Variants in GNPAT observed in about 807,000 individuals in gnomAD.
GNPAT encodes glyceronephosphate O-acyltransferase.
A neutral mutation model predicts 78.4 loss-of-function variants in GNPAT; 30 were observed. The ratio of observed to expected loss-of-function variants is 0.38; its 90% CI spans 0.29 to 0.52. The LOEUF is 0.52. GNPAT is among the 20% of genes least tolerant of loss of function. GNPAT has a pLI of 0.84. For synonymous variants in GNPAT, 271 were observed against 281.1 expected (o/e 0.96, Z 0.36); for missense variants, 714 against 812.2 (o/e 0.88, Z 1.47).
chr1:231,261,937 C>T (rs1302070268), intron 3 of GNPAT, among the ~76,000 whole-genome samples: 2 of 151,938 alleles, frequency 1.3e-5, no homozygotes, highest in Non-Finnish European at 2.9e-5. Context: ...TGACTTATAC[C>T]CTGAATCTGT....
intron 2 of GNPAT, among the ~76,000 whole-genome samples, chr1:231,255,527 G>A (rs1685028928): frequency 2.0e-5 from 3 of 152,102 alleles, no homozygotes; most frequent in Admixed American, 6.5e-5. Flanking sequence ...GGGCTCAAGC[G>A]ATCTTCCTGC....
In GNPAT at chr1:231,267,737, C is replaced by T; in HGVS notation, c.1113C>T (p.Tyr371=). The change falls in exon 9 of 16, where the codon TAC becomes TAT. Residue 371 remains tyrosine (Y), a synonymous_variant. Coordinates refer to ENST00000366647, the MANE Select transcript of GNPAT (RefSeq NM_014236.4). The part of the protein sequence containing the change: ...DMHAFVTEVA[Y]KMELLQIENM... ...ATGCCTTTGTCACTGAAGTTGCCTA[C>T]AAAATGGAGCTTCTGCAAATTGAAA... is the stretch of plus-strand genomic sequence containing the variant. 6.2e-7 allele frequency: 1 copy of T among 1,613,094 alleles called. No individual in the cohort carries two copies. The highest frequency in any genetic ancestry group is 8.5e-7 in the Non-Finnish European group (1 of 1,179,066).
At position 231,273,936 on chromosome 1, in the gene GNPAT, C is replaced by A; in HGVS notation, c.1617C>A (p.Gly539=). The A allele has an allele frequency of 6.2e-7, 1 of 1,613,070 alleles. No individual in the cohort carries two copies. The highest frequency in any genetic ancestry group is 8.5e-7 in the Non-Finnish European group (1 of 1,179,074). ...PGNTLKDFEE[G]CYLLCKSEAI... is the part of the protein sequence containing the mutation. The stretch of plus-strand genomic sequence containing the variant: ...TTCCCTTCTAGGACTTTGAAGAAGG[C>A]TGTTACCTGCTTTGTAAAAGTGAAG... The change falls in exon 12 of 16, where the codon GGC becomes GGA. Residue 539 remains glycine, a synonymous_variant. Coordinates refer to ENST00000366647, the MANE Select transcript of GNPAT (RefSeq NM_014236.4).
chr1:231,245,495 C>T (rs536069525), intron 1 of GNPAT, among the ~76,000 whole-genome samples: 1 of 152,290 alleles, frequency 6.6e-6, no homozygotes, highest in South Asian at 2.1e-4. Context: ...GATTGATCCT[C>T]TTGCCTTGGC....
intron 11 of GNPAT, among the ~76,000 whole-genome samples, chr1:231,272,956 A>G (rs1017768238): frequency 7.9e-5 from 12 of 152,098 alleles, no homozygotes; most frequent in Admixed American, 6.5e-4. Context: ...GCCTGGTGAC[A>G]AGAGGAAGAC....
At chr1:231,247,631 T>C (rs1235468987) in intron 1 of GNPAT, among the ~76,000 whole-genome samples, 3 of 152,202 alleles carry the variant, frequency 2.0e-5, no homozygotes, top group Admixed American at 6.5e-5. Flanking sequence ...GGTACCACCA[T>C]CCACCTTGTT....
At chr1:231,250,645 T>C (rs2102801745) in intron 1 of GNPAT, among the ~76,000 whole-genome samples, 1 of 152,328 alleles carries the variant, frequency 6.6e-6, no homozygotes, top group East Asian at 1.9e-4. Flanking sequence ...GGTGAAACCA[T>C]GTGAAGTTGA....
rs776581840 is a variant in GNPAT, at chr1:231,265,798, A to C, written c.772+11A>C. On this transcript the variant is annotated intron_variant, in intron 6 of 15. Transcript: ENST00000366647. Reference sequence around the variant, plus strand: ...TGACTCCTAAATTTGGTAGGTCACTACAGATTAAAAGGAAAAATACAAACC... The same window carrying C: ...TGACTCCTAAATTTGGTAGGTCACTCCAGATTAAAAGGAAAAATACAAACC... The C allele has an allele frequency of 1.5e-5, 23 of 1,527,192 alleles. No homozygotes were observed. Among genetic ancestry groups the C allele is most frequent in the Non-Finnish European group, 1.6e-5 (18 of 1,100,704 alleles). 94.6% of individuals were successfully genotyped at this position (1,527,192 alleles called of 1,614,324 possible).
At chr1:231,242,947 AC>A (rs776089793) in intron 1 of GNPAT, among the ~76,000 whole-genome samples, 26 of 152,294 alleles carry the variant, frequency 1.7e-4, no homozygotes, top group Non-Finnish European at 1.0e-4. Flanking sequence ...CGGTAACCTT[AC>A]TTTTTCTTAG....
chr1:231,242,820 A>T (rs534318925), intron 1 of GNPAT, among the ~76,000 whole-genome samples: 3 of 152,280 alleles, frequency 2.0e-5, no homozygotes, highest in African/African-American at 4.8e-5. Flanking sequence ...CCACTTTTTC[A>T]TGTGAAAAAC....
chr1:231,277,476 C>G, intron 15 of GNPAT, 23 bp from the exon 16 acceptor site: 3 of 1,519,458 alleles, frequency 2.0e-6, no homozygotes, highest in Non-Finnish European at 2.7e-6. Context: ...ATTTCATGAG[C>G]TGCTTCTCTT....
At chr1:231,275,130 A>G (rs1685673707) in intron 12 of GNPAT, 91 bp from the exon 13 acceptor site, 1 of 790,538 alleles carries the variant, frequency 1.3e-6, no homozygotes, top group African/African-American at 1.7e-5. Context: ...TCCTTCTCTT[A>G]AGAGGGGCAA....
At chr1:231,259,308 A>C (rs985828284) in intron 2 of GNPAT, among the ~76,000 whole-genome samples, 15 of 152,180 alleles carry the variant, frequency 9.9e-5, no homozygotes, top group African/African-American at 3.4e-4. Flanking sequence ...TGGTGGTTGC[A>C]CAACATTTGT....
At chr1:231,276,222 G>T (rs983077387) in intron 15 of GNPAT, 26 bp downstream of exon 15, 5 of 1,196,200 alleles carry the variant, frequency 4.2e-6, no homozygotes, top group Non-Finnish European at 6.2e-6. Flanking sequence ...TAAAATACAA[G>T]TTTTCACATT....
At chr1:231,253,350 C>T (rs1210028864) in intron 2 of GNPAT, among the ~76,000 whole-genome samples, 1 of 152,234 alleles carries the variant, frequency 6.6e-6, no homozygotes, top group African/African-American at 2.4e-5. Flanking sequence ...CATATTTGTT[C>T]TGCAACTTCC....
intron 2 of GNPAT, among the ~76,000 whole-genome samples, chr1:231,251,721 T>C (rs1447537168): frequency 6.6e-6 from 1 of 152,202 alleles, no homozygotes; most frequent in African/African-American, 2.4e-5. Context: ...CACTGGCTTA[T>C]TTTAAGGACC....
intron 1 of GNPAT, 57 bp from the exon 2 acceptor site, chr1:231,250,904 A>T: frequency 1.8e-6 from 2 of 1,114,308 alleles, no homozygotes; most frequent in East Asian, 4.7e-5. Context: ...TGTAGTCTTT[A>T]ATCTGTCCTG....
At chr1:231,267,375 C>G (rs1380512911) in intron 8 of GNPAT, among the ~76,000 whole-genome samples, 1 of 152,160 alleles carries the variant, frequency 6.6e-6, no homozygotes, top group Non-Finnish European at 1.5e-5. Context: ...TCTACTGGGG[C>G]AGGCATCCAT....
chr1:231,257,593 G>C (rs1365108354), intron 2 of GNPAT, among the ~76,000 whole-genome samples: 1 of 152,106 alleles, frequency 6.6e-6, no homozygotes, highest in African/African-American at 2.4e-5. Context: ...AAGTTCTTCT[G>C]TCTGCCCCAT....
Sources: gnomAD v4.1 joint callset for allele counts (sites outside exome capture counted in the v4.1 genomes callset) on GRCh38, gnomAD v4.1.1 for gene constraint, MANE v1.5 for transcripts, NCBI Gene and HGNC (gene_info 2026-07-23, HGNC 2026-07-21) for gene names.